The following CR1 variants were observed in gnomAD, a reference collection of about 807,000 sequenced individuals.
The protein encoded by CR1 is complement receptor type 1.
Under a neutral mutation model 187.3 loss-of-function variants are expected in CR1, and 116 were observed. The ratio of observed to expected loss-of-function variants is 0.62; its 90% CI spans 0.53 to 0.72. The LOEUF is 0.72. CR1 is among the 30% of genes least tolerant of loss of function. The pLI, the probability that CR1 is intolerant of heterozygous loss-of-function variation, is 0.00. For synonymous variants in CR1, 576 were observed against 747.1 expected (o/e 0.77, Z 3.73); for missense variants, 1,731 against 2,110.7 (o/e 0.82, Z 3.52).
At chr1:207,628,182 T>A (rs1028936823) in intron 45 of CR1, among the ~76,000 whole-genome samples, 1 of 152,140 alleles carries the variant, frequency 6.6e-6, no homozygotes, top group African/African-American at 2.4e-5. Flanking sequence ...AATACCTAAT[T>A]ACTCTGCCCA....
chr1:207,567,678 T>A (rs556428186), intron 24 of CR1, 146 bp from the exon 25 acceptor site: 2 of 1,194,086 alleles, frequency 1.7e-6, no homozygotes, highest in Non-Finnish European at 2.4e-6. Context: ...CATTGACATC[T>A]CATTTAATCC....
chr1:207,584,957 G>T (rs984161261), intron 33 of CR1, 81 bp downstream of exon 33: 1 of 1,560,436 alleles, frequency 6.4e-7, no homozygotes, highest in African/African-American at 1.4e-5. Flanking sequence ...TAAGACTATG[G>T]TATTTGTTTG....
chr1:207,496,475 G>A, intron 1 of CR1, 87 bp downstream of exon 1: 1 of 1,329,644 alleles, frequency 7.5e-7, no homozygotes, highest in Non-Finnish European at 9.9e-7. Flanking sequence ...GCTGAGCTGC[G>A]CTGCTCTGCG....
At chr1:207,509,555 C>G (rs1659552472) in intron 3 of CR1, among the ~76,000 whole-genome samples, 1 of 152,146 alleles carries the variant, frequency 6.6e-6, no homozygotes, top group Non-Finnish European at 1.5e-5. Context: ...ATCTGTTCCC[C>G]TTGATCAGTG....
intron 45 of CR1, among the ~76,000 whole-genome samples, chr1:207,624,145 T>C (rs1195965642): frequency 1.3e-5 from 2 of 151,914 alleles, no homozygotes; most frequent in African/African-American, 4.8e-5. Flanking sequence ...AGGCTGGTCT[T>C]GAATTCCTGA....
At chr1:207,573,050 C>T (rs1372179400) in intron 27 of CR1, among the ~76,000 whole-genome samples, 4 of 152,128 alleles carry the variant, frequency 2.6e-5, no homozygotes, top group Non-Finnish European at 4.4e-5. Context: ...AGATCACATC[C>T]ACAGGGACTG....
chr1:207,507,691 C>G (rs1558214979), intron 3 of CR1: 1 of 152,078 alleles, frequency 6.6e-6, no homozygotes, highest in African/African-American at 2.4e-5. Flanking sequence ...AAAATGGTAC[C>G]ATGACTTGGA....
intron 4 of CR1, among the ~76,000 whole-genome samples, chr1:207,516,677 AT>A (rs1659818371): frequency 1.3e-5 from 2 of 152,188 alleles, no homozygotes; most frequent in Admixed American, 6.5e-5. Flanking sequence ...TTTTAATAAT[AT>A]TTGTTAATGT....
At position 207,568,014 on chromosome 1, in the gene CR1, C is replaced by G; in HGVS notation, c.4143C>G (p.Ser1381Arg). ...TSDPQGNGVW[S>R]SPAPRCGILG... ...ACCCTCAAGGGAATGGGGTTTGGAGCAGCCCTGCCCCTCGCTGTGGAATTC... is the reference window on the plus strand; with the variant it reads ...ACCCTCAAGGGAATGGGGTTTGGAGGAGCCCTGCCCCTCGCTGTGGAATTC... Residue 1381 changes from serine (S) to arginine (R), a missense_variant, in exon 25 of 47, where the codon AGC (serine) becomes AGG (arginine). By Grantham distance (110) the Ser-to-Arg change is moderately radical (BLOSUM62 -1). Transcript: ENST00000367049. 6.2e-7 allele frequency: 1 copy of G among 1,610,718 alleles called. No homozygotes were observed. Among genetic ancestry groups the G allele is most frequent in the Admixed American group, 1.7e-5 (1 of 59,956 alleles).
At chr1:207,635,863 G>GT (rs1388158191) in intron 46 of CR1, among the ~76,000 whole-genome samples, 1 of 152,182 alleles carries the variant, frequency 6.6e-6, no homozygotes, top group East Asian at 1.9e-4. Flanking sequence ...TCAAGCATTT[G>GT]TTTAACAAAG....
At chr1:207,522,293 T>C (rs962357079) in intron 4 of CR1, among the ~76,000 whole-genome samples, 1 of 152,220 alleles carries the variant, frequency 6.6e-6, no homozygotes, top group Non-Finnish European at 1.5e-5. Context: ...ACAGTACCAG[T>C]ACTTGAAGTA....
intron 27 of CR1, among the ~76,000 whole-genome samples, chr1:207,574,615 A>G (rs974925227): frequency 2.0e-5 from 3 of 152,224 alleles, no homozygotes; most frequent in Non-Finnish European, 4.4e-5. Context: ...TAATTTACTA[A>G]TAATCTCTCT....
At chr1:207,573,433 G>C (rs565713255) in intron 27 of CR1, among the ~76,000 whole-genome samples, 1 of 151,902 alleles carries the variant, frequency 6.6e-6, no homozygotes. Context: ...TTTCCTGACT[G>C]TACCCTACTC....
intron 23 of CR1, among the ~76,000 whole-genome samples, chr1:207,565,586 A>T (rs1660468477): frequency 6.7e-6 from 1 of 150,150 alleles, no homozygotes; most frequent in Non-Finnish European, 1.5e-5. Context: ...GGTCAAGGGG[A>T]TGGCGCCTAT....
At chr1:207,521,600 T>C (rs1032560899) in intron 4 of CR1, among the ~76,000 whole-genome samples, 1 of 150,120 alleles carries the variant, frequency 6.7e-6, no homozygotes, top group African/African-American at 2.4e-5. Context: ...TCTAGACTTT[T>C]TATTTTCCAA....
chr1:207,589,456 G>T (rs967488554), intron 35 of CR1, among the ~76,000 whole-genome samples: 1 of 152,060 alleles, frequency 6.6e-6, no homozygotes, highest in Non-Finnish European at 1.5e-5. Context: ...CCATCCAAAG[G>T]TCACCAACAT....
chr1:207,590,505 C>T (rs1197410810), intron 35 of CR1, among the ~76,000 whole-genome samples: 3 of 152,194 alleles, frequency 2.0e-5, no homozygotes, highest in African/African-American at 7.2e-5. Flanking sequence ...ACTGCAAAAA[C>T]ATACCAAATT....
At chr1:207,502,326 T>C (rs1331718703) in intron 1 of CR1, among the ~76,000 whole-genome samples, 1 of 152,128 alleles carries the variant, frequency 6.6e-6, no homozygotes, top group African/African-American at 2.4e-5. Flanking sequence ...GAAATTATTA[T>C]AGGGTGGGGC....
At chr1:207,520,974 T>G (rs1659972543) in intron 4 of CR1, among the ~76,000 whole-genome samples, 1 of 141,176 alleles carries the variant, frequency 7.1e-6, no homozygotes. Context: ...GGTTGTTTTT[T>G]TTTTTTTTTT....
Sources: gnomAD v4.1 joint callset for allele counts (sites outside exome capture counted in the v4.1 genomes callset) on GRCh38, gnomAD v4.1.1 for gene constraint, MANE v1.5 for transcripts, NCBI Gene and HGNC (gene_info 2026-07-23, HGNC 2026-07-21) for gene names.